Variants in TGFA observed in about 807,000 individuals in gnomAD.
TGFA encodes the protein protransforming growth factor alpha.
A neutral mutation model predicts 21.7 loss-of-function variants in TGFA; 12 were observed. The observed-to-expected ratio is 0.55, with a 90% confidence interval of 0.35 to 0.90. The LOEUF (loss-of-function observed/expected upper bound fraction) is 0.90. Ranked by LOEUF, TGFA falls within the 40% of genes least tolerant of loss-of-function variation. The pLI is 0.01. For synonymous variants in TGFA, 79 were observed against 88.1 expected (o/e 0.90, Z 0.58); for missense variants, 178 against 210.8 (o/e 0.84, Z 0.96).
intron 2 of TGFA, among the ~76,000 whole-genome samples, chr2:70,502,831 G>A (rs1671778518): frequency 6.6e-6 from 1 of 152,060 alleles, no homozygotes; most frequent in Non-Finnish European, 1.5e-5. Context: ...TACTTACATA[G>A]GACTTACCTG....
intron 2 of TGFA, among the ~76,000 whole-genome samples, chr2:70,472,323 G>C (rs1553493438): frequency 6.6e-6 from 1 of 152,188 alleles, no homozygotes; most frequent in South Asian, 2.1e-4. Flanking sequence ...TTTTGGAACA[G>C]ACCTCATATC....
intron 3 of TGFA, among the ~76,000 whole-genome samples, chr2:70,459,288 C>T (rs2103678616): frequency 6.6e-6 from 1 of 152,330 alleles, no homozygotes; most frequent in Middle Eastern, 3.4e-3. Context: ...CAACACATAA[C>T]ATTCACTGCA....
intron 1 of TGFA, among the ~76,000 whole-genome samples, chr2:70,516,005 G>C (rs1422011261): frequency 6.6e-6 from 1 of 152,194 alleles, no homozygotes; most frequent in East Asian, 1.9e-4. Flanking sequence ...CAGGTTGCAT[G>C]CCCATAAAAC....
intron 2 of TGFA, among the ~76,000 whole-genome samples, chr2:70,489,436 C>T (rs537716528): frequency 1.3e-5 from 2 of 152,356 alleles, no homozygotes; most frequent in Admixed American, 6.5e-5. Context: ...GTTCCCACAA[C>T]GGTGAGCCGC....
intron 2 of TGFA, among the ~76,000 whole-genome samples, chr2:70,512,462 C>A (rs1255050476): frequency 1.3e-5 from 2 of 152,144 alleles, no homozygotes; most frequent in African/African-American, 4.8e-5. Context: ...CACCTCAGGC[C>A]CCCGAGTGGC....
intron 2 of TGFA, among the ~76,000 whole-genome samples, chr2:70,491,643 C>T (rs1011430092): frequency 4.6e-5 from 7 of 152,236 alleles, no homozygotes; most frequent in African/African-American, 7.2e-5. Context: ...GCCCCTTCCC[C>T]GGAGACAGTG....
chr2:70,513,785 A>G (rs1553501247), intron 2 of TGFA, among the ~76,000 whole-genome samples: 1 of 152,172 alleles, frequency 6.6e-6, no homozygotes, highest in African/African-American at 2.4e-5. Context: ...TCCCACTGGA[A>G]CCTCTCTGAA....
chr2:70,475,643 G>A (rs1670898219), intron 2 of TGFA, among the ~76,000 whole-genome samples: 1 of 152,054 alleles, frequency 6.6e-6, no homozygotes, highest in Admixed American at 6.6e-5. Context: ...AAATTTAGGG[G>A]CATTTTAGAA....
At chr2:70,523,230 A>G (rs1292642651) in intron 1 of TGFA, among the ~76,000 whole-genome samples, 1 of 152,246 alleles carries the variant, frequency 6.6e-6, no homozygotes, top group African/African-American at 2.4e-5. Flanking sequence ...AAACTTTTAT[A>G]AGAACACAAA....
Position 70,448,179 on chromosome 2 carries a change from G to C in TGFA, c.*2680C>G, listed in dbSNP as rs923932546. ...TGTCCAGCCGGGGCCCTGTCTTCCA[G>C]ATCAGGGTTGGCTGCTGTCTATCTT... On this transcript the variant is annotated 3_prime_UTR_variant, in exon 6 of 6. Transcript: ENST00000295400. The C allele has an allele frequency of 6.6e-6, 1 of 152,174 alleles. No homozygotes were observed. The highest frequency in any genetic ancestry group is 1.9e-4 in the East Asian group (1 of 5,190). 9.4% of individuals were successfully genotyped at this position (152,174 alleles called of 1,614,324 possible). A position where few individuals can be genotyped will look rare whatever the true frequency, so the allele number is the denominator to read the frequency against.
intron 1 of TGFA, among the ~76,000 whole-genome samples, chr2:70,520,866 G>A (rs532150737): frequency 2.6e-5 from 4 of 152,172 alleles, no homozygotes; most frequent in African/African-American, 7.2e-5. Context: ...TTGAACTCAT[G>A]TCTTCCACCT....
chr2:70,489,166 G>T (rs1553497138), intron 2 of TGFA, among the ~76,000 whole-genome samples: 2 of 152,172 alleles, frequency 1.3e-5, no homozygotes, highest in Admixed American at 1.3e-4. Flanking sequence ...GTCTGTTCCT[G>T]GGGAGAGGGT....
At position 70,543,051 on chromosome 2, in the gene TGFA, C is replaced by T. The variant is rs376620699; in HGVS notation, c.40+10677G>A. On this transcript the variant is annotated intron_variant, in intron 1 of 5. Coordinates refer to ENST00000295400, the MANE Select transcript of TGFA (RefSeq NM_003236.4). ...CCGGGAGGTGGAGGTTGCAGTGAGCCAAGATTGCGCCATTGCACTCCAGCC... is the reference window on the plus strand; with the variant it reads ...CCGGGAGGTGGAGGTTGCAGTGAGCTAAGATTGCGCCATTGCACTCCAGCC... Among the ~76,000 whole-genome samples the T allele has an allele frequency of 4.6e-5, 7 of 151,156 alleles. No individual in the cohort carries two copies. The East Asian group carries it at 1.4e-3, about 30-fold the overall frequency.
intron 2 of TGFA, among the ~76,000 whole-genome samples, chr2:70,472,070 A>T (rs1317010961): frequency 2.6e-5 from 4 of 152,024 alleles, no homozygotes; most frequent in African/African-American, 9.7e-5. Flanking sequence ...TTTTTCTGGA[A>T]ATTCAAGAAA....
In TGFA at chr2:70,517,149, TCA is replaced by T. The variant is rs1341742339; in HGVS notation, c.41-2239_41-2238del. Among the ~76,000 whole-genome samples the T allele has an allele frequency of 4.5e-4, 68 of 152,354 alleles. 1 individual carries two copies. The highest frequency in any genetic ancestry group is 4.1e-3 in the Admixed American group (62 of 15,304). ...ACCTGTGAGCTCGCAGCTGCTAAAC[TCA>T]CAGAGGTGTTTTGGGAATGAATTAA... is the stretch of plus-strand genomic sequence containing the variant. On this transcript the variant is annotated intron_variant, in intron 1 of 5. Transcript: ENST00000295400.
intron 2 of TGFA, among the ~76,000 whole-genome samples, chr2:70,484,672 A>G (rs1409086453): frequency 8.5e-5 from 13 of 152,218 alleles, no homozygotes. Context: ...TGCTGATGGA[A>G]TTCATGCATT....
At chr2:70,503,601 T>A (rs1671808274) in intron 2 of TGFA, among the ~76,000 whole-genome samples, 1 of 149,106 alleles carries the variant, frequency 6.7e-6, no homozygotes, top group African/African-American at 2.5e-5. Flanking sequence ...AAAAAGAAAC[T>A]TGCCTAAGGT....
intron 2 of TGFA, among the ~76,000 whole-genome samples, chr2:70,508,903 G>A (rs1672011247): frequency 6.6e-6 from 1 of 152,196 alleles, no homozygotes; most frequent in African/African-American, 2.4e-5. Flanking sequence ...CATATCCTGT[G>A]TTCTGTCTAC....
chr2:70,453,950 T>C (rs1322668486), intron 4 of TGFA, among the ~76,000 whole-genome samples: 2 of 151,424 alleles, frequency 1.3e-5, no homozygotes, highest in African/African-American at 4.9e-5. Context: ...ATCAGGGTTA[T>C]AAAGGCTCCT....
Sources: allele counts gnomAD v4.1 joint callset (sites outside exome capture counted in the v4.1 genomes callset), GRCh38; gene constraint gnomAD v4.1.1; transcripts MANE v1.5; gene names NCBI Gene and HGNC (gene_info 2026-07-23, HGNC 2026-07-21).